The following CES5A variants were observed in gnomAD, a reference collection of about 807,000 sequenced individuals.
CES5A encodes carboxylesterase 5.
Under a neutral mutation model 62.9 loss-of-function variants are expected in CES5A, and 67 were observed. The ratio of observed to expected loss-of-function variants is 1.07; its 90% CI spans 0.88 to 1.31. The LOEUF is 1.31. Ranked by LOEUF, CES5A falls within the 50% of genes most tolerant of loss-of-function variation. The pLI is 0.00. For synonymous variants in CES5A, 296 were observed against 280.8 expected (o/e 1.05, Z -0.54); for missense variants, 748 against 708.5 (o/e 1.06, Z -0.63).
Position 55,912,596 on chromosome 16 carries a change from CAAG to C in CES5A, c.-256+12724_-256+12726del, listed in dbSNP as rs199911864. On this transcript the variant is annotated intron_variant, in intron 1 of 12. Transcript: ENST00000518005. ...TGGAGGAGGAGGAGAAGGAGGAAGACAAGGAGGAGGAGGAAGAGGAGGAAGAGA... is the reference window on the plus strand; with the variant it reads ...TGGAGGAGGAGGAGAAGGAGGAAGACGAGGAGGAGGAAGAGGAGGAAGAGA... 2.2e-3 allele frequency among the ~76,000 whole-genome samples: 329 copies of C among 150,864 alleles called. 2 individuals are homozygous for C. Among genetic ancestry groups the C allele is most frequent in the African/African-American group, 7.6e-3 (313 of 41,000 alleles).
chr16:55,852,608 A>G (rs2033153866), intron 10 of CES5A, among the ~76,000 whole-genome samples: 2 of 152,188 alleles, frequency 1.3e-5, no homozygotes, highest in African/African-American at 4.8e-5. Flanking sequence ...ATCCTTGGGG[A>G]TGGCGCCCAG....
chr16:55,906,671 A>C (rs1217266216), intron 1 of CES5A, among the ~76,000 whole-genome samples: 1 of 152,218 alleles, frequency 6.6e-6, no homozygotes, highest in African/African-American at 2.4e-5. Context: ...TGTGCTGGGG[A>C]GTCCCAAGAG....
chr16:55,871,888 C>T (rs901286690), intron 2 of CES5A, 125 bp from the exon 3 acceptor site: 21 of 948,544 alleles, frequency 2.2e-5, no homozygotes, highest in Non-Finnish European at 2.5e-5. Flanking sequence ...AGGCAGCTAC[C>T]GGTACAAAGT....
intron 1 of CES5A, among the ~76,000 whole-genome samples, chr16:55,901,795 G>GT (rs1438602864): frequency 1.3e-5 from 2 of 152,140 alleles, no homozygotes; most frequent in African/African-American, 2.4e-5. Context: ...TCTTGCAAAT[G>GT]TTTTTTCTGA....
Position 55,934,851 on chromosome 16 carries a change from G to A in CES5A, c.160+14934C>T, listed in dbSNP as rs115551532. ...CCAGTCTAAGCGCAGGGCCTGAGAC[G>A]GGAGAGTTACTGGTGTAAGTTTTAG... On this transcript the variant is annotated intron_variant, in intron 2 of 13. Transcript: ENST00000521992. Among the ~76,000 whole-genome samples the A allele has an allele frequency of 7.1e-3, 1,075 of 152,344 alleles. 14 individuals are homozygous for A. Among genetic ancestry groups the A allele is most frequent in the African/African-American group, 0.024 (990 of 41,580 alleles).
At chr16:55,928,242 C>CAA (rs200549243), upstream of CES5A, among the ~76,000 whole-genome samples, 6 of 139,978 alleles carry the variant, frequency 4.3e-5, no homozygotes, top group African/African-American at 1.3e-4. Context: ...GACTCTGTCT[C>CAA]AAAAAAAAAA....
At chr16:55,857,115 A>C (rs1214593394) in intron 8 of CES5A, among the ~76,000 whole-genome samples, 1 of 152,192 alleles carries the variant, frequency 6.6e-6, no homozygotes, top group Non-Finnish European at 1.5e-5. Flanking sequence ...GCCACAAAGA[A>C]GAGAAGCCAC....
intron 10 of CES5A, among the ~76,000 whole-genome samples, 167 bp downstream of exon 10, chr16:55,852,714 G>A (rs2033156348): frequency 6.6e-6 from 1 of 152,220 alleles, no homozygotes; most frequent in South Asian, 2.1e-4. Flanking sequence ...AAAGGCAGGT[G>A]AATGACGCAG....
At chr16:55,869,862 C>G (rs149581721) in intron 3 of CES5A, 118 bp from the exon 4 acceptor site, 1 of 1,384,916 alleles carries the variant, frequency 7.2e-7, no homozygotes, top group Non-Finnish European at 9.6e-7. Flanking sequence ...AAGCAGGGTG[C>G]GAGGTTTTGT....
intron 2 of CES5A, among the ~76,000 whole-genome samples, chr16:55,939,654 A>G (rs1268348621): frequency 6.6e-6 from 1 of 152,172 alleles, no homozygotes; most frequent in African/African-American, 2.4e-5. Flanking sequence ...ACTGAAAAAC[A>G]CCATCAACAA....
intron 2 of CES5A, among the ~76,000 whole-genome samples, chr16:55,934,635 T>C (rs2034349259): frequency 6.6e-6 from 1 of 151,332 alleles, no homozygotes; most frequent in African/African-American, 2.4e-5. Flanking sequence ...ATAGAACCAA[T>C]AGAAACCAAG....
intron 9 of CES5A, among the ~76,000 whole-genome samples, chr16:55,854,636 A>T (rs2033203663): frequency 1.4e-5 from 2 of 145,608 alleles, no homozygotes; most frequent in South Asian, 4.4e-4. Context: ...CAGGCTCAAC[A>T]ATCCTCCTGC....
intron 11 of CES5A, among the ~76,000 whole-genome samples, chr16:55,848,417 C>A (rs1303473024): frequency 6.6e-6 from 1 of 152,132 alleles, no homozygotes; most frequent in African/African-American, 2.4e-5. Context: ...CCATGCCCGG[C>A]CTTACATGCA....
At chr16:55,902,630 C>G (rs2034002747) in intron 1 of CES5A, among the ~76,000 whole-genome samples, 1 of 152,192 alleles carries the variant, frequency 6.6e-6, no homozygotes, top group African/African-American at 2.4e-5. Context: ...AGTAGTTATT[C>G]ACGGCATCAT....
At chr16:55,913,991 C>G (rs1185521050) in intron 1 of CES5A, among the ~76,000 whole-genome samples, 16 of 152,168 alleles carry the variant, frequency 1.1e-4, no homozygotes, top group African/African-American at 3.6e-4. Flanking sequence ...AGATCCACAT[C>G]CGGGCCTACT....
chr16:55,856,728 T>C (rs1263678016), intron 8 of CES5A, among the ~76,000 whole-genome samples: 1 of 152,232 alleles, frequency 6.6e-6, no homozygotes, highest in Non-Finnish European at 1.5e-5. Flanking sequence ...TGTGGCCCCC[T>C]CAAAATTTAC....
At chr16:55,949,165 G>A (rs2034528147) in intron 2 of CES5A, among the ~76,000 whole-genome samples, 1 of 152,196 alleles carries the variant, frequency 6.6e-6, no homozygotes, top group African/African-American at 2.4e-5. Context: ...CTGAGATGAA[G>A]TTTAGCAGGC....
intron 10 of CES5A, among the ~76,000 whole-genome samples, chr16:55,851,660 A>G (rs1191600092): frequency 7.2e-5 from 11 of 152,216 alleles, no homozygotes; most frequent in Admixed American, 1.3e-4. Flanking sequence ...TATACCTCAA[A>G]TAACTGAAAA....
In CES5A at chr16:55,949,496, C is replaced by T. The variant is rs9932387; in HGVS notation, c.160+289G>A. Among the ~76,000 whole-genome samples, 659 of 152,200 alleles carry T rather than the reference C, an allele frequency of 4.3e-3. 6 individuals carry two copies. The highest frequency in any genetic ancestry group is 0.015 in the African/African-American group (623 of 41,478). ...TGATCTAGGTGGCACATCACAATGC[C>T]CACCACATCCCCTCATGCCAGACAC... On this transcript the variant is annotated intron_variant, in intron 2 of 13. Coordinates refer to the CES5A transcript ENST00000521992.
Sources: allele counts gnomAD v4.1 joint callset (sites outside exome capture counted in the v4.1 genomes callset), GRCh38; gene constraint gnomAD v4.1.1; transcripts MANE v1.5; gene names NCBI Gene and HGNC (gene_info 2026-07-23, HGNC 2026-07-21).